The following MBNL2 variants were observed in gnomAD, a reference collection of about 807,000 sequenced individuals.
MBNL2 encodes muscleblind like splicing regulator 2.
Under a neutral mutation model 41.9 loss-of-function variants are expected in MBNL2, and 17 were observed. The ratio of observed to expected loss-of-function variants is 0.41; its 90% CI spans 0.28 to 0.61. MBNL2 has a LOEUF of 0.61. Among genes scored for constraint, MBNL2 ranks in the 20% least tolerant of loss-of-function variants. The probability of loss-of-function intolerance (pLI) is 0.35; values close to 1 mark genes in which losing one functional copy is unlikely to be tolerated. For synonymous variants in MBNL2, 195 were observed against 182.9 expected (o/e 1.07, Z -0.53); for missense variants, 336 against 505.6 (o/e 0.66, Z 3.22).
At chr13:97,154,851 A>G in the MBNL2 span, among the ~76,000 whole-genome samples, 2 of 151,996 alleles carry the variant, frequency 1.3e-5, no homozygotes, top group Non-Finnish European at 2.9e-5. Context: ...AGACAAGCTG[A>G]TTCAACTAAA....
At chr13:97,202,859 G>A in the MBNL2 span, among the ~76,000 whole-genome samples, 1 of 152,122 alleles carries the variant, frequency 6.6e-6, no homozygotes, top group Admixed American at 6.6e-5. Flanking sequence ...TTGAACTGGG[G>A]CTGGACAGTG....
Position 97,271,642 on chromosome 13 carries a change from T to C in MBNL2, c.-604-3990T>C, listed in dbSNP as rs572420988. On this transcript the variant is annotated intron_variant, in intron 1 of 8. Coordinates refer to ENST00000679496, the MANE Select transcript of MBNL2 (RefSeq NM_001382683.1). ...TTCCCCTCTCTGTGTCCATGTGTTC[T>C]CAGTGTTTAACTTCTACTTATGAGT... Among the ~76,000 whole-genome samples the C allele has an allele frequency of 6.6e-5, 10 of 152,118 alleles. No homozygotes were observed. The South Asian group carries it at 1.0e-3, about 16-fold the overall frequency.
At chr13:97,320,293 T>G (rs2059394120) in intron 2 of MBNL2, among the ~76,000 whole-genome samples, 1 of 145,960 alleles carries the variant, frequency 6.9e-6, no homozygotes, top group Non-Finnish European at 1.5e-5. Flanking sequence ...AGTCTCTCAC[T>G]CTGTCACCCA....
chr13:97,335,792 A>C (rs1156649411), intron 3 of MBNL2, among the ~76,000 whole-genome samples: 1 of 152,182 alleles, frequency 6.6e-6, no homozygotes, highest in African/African-American at 2.4e-5. Flanking sequence ...ACGCAGATAG[A>C]GTTCTGAATA....
In MBNL2 at chr13:97,334,196, TAAG is replaced by T. The variant is rs2060689509; in HGVS notation, c.175-76_175-74del. On this transcript the variant is annotated intron_variant, in intron 2 of 8. Transcript: ENST00000679496. The surrounding 1 kb of genome is among the most constrained non-coding windows in gnomAD (Gnocchi z 5.3). ...CACACAGGATCCTTGCTTTTGTGCATAAGAAGTGATTGTTCAGTGGTTGACTTT... is the reference window on the plus strand; with the variant it reads ...CACACAGGATCCTTGCTTTTGTGCATAAGTGATTGTTCAGTGGTTGACTTT... 1.8e-6 allele frequency: 2 copies of T among 1,117,946 alleles called. No homozygotes were observed. Among genetic ancestry groups the T allele is most frequent in the South Asian group, 3.0e-5 (2 of 66,594 alleles). The allele number at this position is 1,117,946 out of a possible 1,614,324, so 69.3% of individuals were successfully genotyped here.
At chr13:97,374,063 ATTTTTTTTTTTTTTTT>A (rs61185219) in intron 8 of MBNL2, among the ~76,000 whole-genome samples, 64 of 63,110 alleles carry the variant, frequency 1.0e-3, no homozygotes, top group African/African-American at 3.4e-3. Flanking sequence ...CCTCCTTTGC[ATTTTTTTTTTTTTTTT>A]TTTTTTTTTT....
chr13:97,255,405 C>T (rs1250862830), intron 1 of MBNL2, among the ~76,000 whole-genome samples: 1 of 152,192 alleles, frequency 6.6e-6, no homozygotes, highest in Non-Finnish European at 1.5e-5. Context: ...TCCTAGACTG[C>T]ACTATGTTTT....
chr13:97,232,851 A>ATGTGTGTGTGTGTG (rs34769353), intron 1 of MBNL2, among the ~76,000 whole-genome samples: 65 of 130,582 alleles, frequency 5.0e-4, no homozygotes, highest in African/African-American at 1.8e-3. Flanking sequence ...TCTTGACGCT[A>ATGTGTGTGTGTGTG]TGTGTGTGTG....
intron 1 of MBNL2, among the ~76,000 whole-genome samples, chr13:97,237,539 T>G (rs2043507340): frequency 6.6e-6 from 1 of 152,178 alleles, no homozygotes; most frequent in African/African-American, 2.4e-5. Flanking sequence ...AGGTATAAGA[T>G]GCCTGTGAGA....
the MBNL2 span, among the ~76,000 whole-genome samples, chr13:97,144,936 G>A: frequency 6.6e-6 from 1 of 152,150 alleles, no homozygotes; most frequent in East Asian, 1.9e-4. Flanking sequence ...CTCATTAGGC[G>A]AATTTCAAAT....
At chr13:97,178,756 G>A in the MBNL2 span, among the ~76,000 whole-genome samples, 1 of 152,094 alleles carries the variant, frequency 6.6e-6, no homozygotes, top group Non-Finnish European at 1.5e-5. Context: ...AATTAGCCAG[G>A]TATGGTGGTG....
chr13:97,172,980 T>G, the MBNL2 span: 5 of 152,186 alleles, frequency 3.3e-5, no homozygotes, highest in African/African-American at 1.2e-4. Flanking sequence ...TCTTAAAATT[T>G]CTGGGTATCA....
chr13:97,269,110 CG>C (rs763361698), intron 1 of MBNL2, among the ~76,000 whole-genome samples: 1 of 152,108 alleles, frequency 6.6e-6, no homozygotes, highest in Non-Finnish European at 1.5e-5. Flanking sequence ...GAGAAATAAT[CG>C]GGGGCAACTA....
chr13:97,249,542 A>T (rs929069082), intron 1 of MBNL2, among the ~76,000 whole-genome samples: 1 of 152,220 alleles, frequency 6.6e-6, no homozygotes, highest in Non-Finnish European at 1.5e-5. Flanking sequence ...TGTCTGATGA[A>T]ATGAAGATAT....
At chr13:97,311,631 G>A (rs1348843070) in intron 2 of MBNL2, among the ~76,000 whole-genome samples, 2 of 150,100 alleles carry the variant, frequency 1.3e-5, no homozygotes, top group South Asian at 2.1e-4. Flanking sequence ...TTGAGATAGC[G>A]TTGGATTTTT....
At chr13:97,365,967 T>C (rs568917639) in intron 8 of MBNL2, among the ~76,000 whole-genome samples, 58 of 151,334 alleles carry the variant, frequency 3.8e-4, no homozygotes, top group African/African-American at 1.4e-3. Flanking sequence ...CAGTCCTAAA[T>C]TGAAAAAAAA....
intron 7 of MBNL2, among the ~76,000 whole-genome samples, chr13:97,358,970 A>G (rs1251693190): frequency 2.0e-5 from 3 of 152,194 alleles, no homozygotes; most frequent in African/African-American, 4.8e-5. Flanking sequence ...TAACATATAA[A>G]TTATGTGAGC....
At chr13:97,281,578 G>T (rs1269772142) in intron 2 of MBNL2, among the ~76,000 whole-genome samples, 1 of 152,158 alleles carries the variant, frequency 6.6e-6, no homozygotes, top group Admixed American at 6.5e-5. Context: ...TATGTAATTT[G>T]CCAAGACCTT....
intron 1 of MBNL2, among the ~76,000 whole-genome samples, chr13:97,262,759 CT>C (rs796204453): frequency 2.3e-4 from 34 of 147,502 alleles, no homozygotes; most frequent in African/African-American, 6.0e-4. Flanking sequence ...TCCTCCCTCG[CT>C]TTTTTTTTTA....
Sources: allele counts gnomAD v4.1 joint callset (sites outside exome capture counted in the v4.1 genomes callset), GRCh38; gene constraint gnomAD v4.1.1; non-coding constraint Gnocchi (gnomAD v3.1); transcripts MANE v1.5; gene names NCBI Gene and HGNC (gene_info 2026-07-23, HGNC 2026-07-21).